SPATA32: variants seen among roughly 807,000 people sequenced by gnomAD.
SPATA32 encodes the protein spermatogenesis-associated protein 32.
In SPATA32, 28 loss-of-function variants were observed where a neutral mutation model predicts 35.4. The observed-to-expected ratio is 0.79, with a 90% CI of 0.59 to 1.09. The LOEUF (loss-of-function observed/expected upper bound fraction) is 1.09, where lower values mean the gene tolerates loss of function less well. Among genes scored for constraint, SPATA32 ranks in the 50% least tolerant of loss-of-function variants. SPATA32 has a pLI of 0.00. For missense variants in SPATA32, 409 were observed against 475.9 expected (o/e 0.86, Z 1.31); for synonymous variants, 168 against 196.3 (o/e 0.86, Z 1.20).
Position 45,256,668 on chromosome 17 carries a change from G to C in SPATA32, c.69-253C>G, listed in dbSNP as rs1443863093. 6.6e-6 allele frequency among the ~76,000 whole-genome samples: 1 copy of C among 152,126 alleles called. No homozygotes were observed. The highest frequency in any genetic ancestry group is 2.4e-5 in the African/African-American group (1 of 41,414). On this transcript the variant is annotated intron_variant, in intron 2 of 4. Coordinates refer to ENST00000331780, the MANE Select transcript of SPATA32 (RefSeq NM_152343.3). The surrounding 1 kb of genome is among the most constrained non-coding windows in gnomAD (Gnocchi z 4.7). ...CCAACTCATGCCCCACCCCCAAAGA[G>C]GAATCCAGTTGGTTGGAGGTAAGGC...
rs140136558 is a variant in SPATA32, at chr17:45,255,338, T to C, written c.844A>G (p.Thr282Ala). The change falls in exon 4 of 5, where the codon ACC (threonine) becomes GCC (alanine). Residue 282 changes from threonine (T) to alanine (A), a missense_variant. By Grantham distance (58) the Thr-to-Ala change is moderately conservative (BLOSUM62 0). Transcript: ENST00000331780. The surrounding 1 kb of genome is among the most constrained non-coding windows in gnomAD (Gnocchi z 5.4). The stretch of plus-strand genomic sequence containing the variant: ...TCTGGCTCTCGCTCCTCCACAGTGG[T>C]CAGGAGGGGCTCTGTGGAAGGCTCC... ...ALEPSTEPLL[T>A]TVEEREPENH... is the part of the protein sequence containing the mutation. 2.9e-4 allele frequency: 467 copies of C among 1,614,180 alleles called. No homozygotes were observed. The highest frequency in any genetic ancestry group is 3.6e-4 in the Non-Finnish European group (430 of 1,180,016).
chr17:45,255,814 G>T lies in SPATA32; in HGVS notation c.368C>A (p.Thr123Asn). Residue 123 changes from threonine to asparagine, a missense_variant, in exon 4 of 5, where the codon ACC becomes AAC. Coordinates refer to ENST00000331780, the MANE Select transcript of SPATA32 (RefSeq NM_152343.3). This position sits in a 1 kb window ranked among gnomAD's most constrained non-coding sequence, Gnocchi z 5.4. ...HSNMGLPTPQTFRPWSLNSNC... is the reference protein window; with the variant it reads ...HSNMGLPTPQNFRPWSLNSNC... ...TGAATTCAGACTCCACGGTCTGAAGGTCTGTGGCGTGGGCAGCCCCATGTT... is the reference window on the plus strand; with the variant it reads ...TGAATTCAGACTCCACGGTCTGAAGTTCTGTGGCGTGGGCAGCCCCATGTT... The T allele has an allele frequency of 6.2e-7, 1 of 1,614,190 alleles. No homozygotes were observed. The highest frequency in any genetic ancestry group is 8.5e-7 in the Non-Finnish European group (1 of 1,180,034).
Position 45,256,478 on chromosome 17 carries a change from T to C in SPATA32, c.69-63A>G, listed in dbSNP as rs2043959390. 2 of 1,457,748 alleles carry C rather than the reference T, an allele frequency of 1.4e-6. No homozygotes were observed. 90.3% of individuals were successfully genotyped at this position (1,457,748 alleles called of 1,614,324 possible). ...GTGGGGCTTCAGCGGGAAGGGGGTT[T>C]CTGGGGCCCTCAAAGCCCTCTGCCT... On this transcript the variant is annotated intron_variant, in intron 2 of 4. Coordinates refer to ENST00000331780, the MANE Select transcript of SPATA32 (RefSeq NM_152343.3). The surrounding 1 kb of genome is among the most constrained non-coding windows in gnomAD (Gnocchi z 4.7).
intron 1 of SPATA32, among the ~76,000 whole-genome samples, chr17:45,259,029 C>T (rs1379375693): frequency 8.0e-6 from 1 of 125,638 alleles, no homozygotes; most frequent in Non-Finnish European, 1.8e-5. Context: ...TATTTGTTCT[C>T]ATAGCTTTTT....
At chr17:45,254,999 C>CT in intron 4 of SPATA32, 116 bp downstream of exon 4, 1 of 1,009,366 alleles carries the variant, frequency 9.9e-7, no homozygotes, top group Non-Finnish European at 1.5e-6. Flanking sequence ...CAGCCCACCA[C>CT]ATCCTGCTCC....
rs372404027 is a variant in SPATA32, at chr17:45,257,939, G to GT, written c.14-733dup. Among the ~76,000 whole-genome samples the GT allele has an allele frequency of 2.8e-3, 433 of 152,318 alleles. 2 individuals are homozygous for GT. The highest frequency in any genetic ancestry group is 9.9e-3 in the African/African-American group (411 of 41,576). On this transcript the variant is annotated intron_variant, in intron 1 of 4. Coordinates refer to ENST00000331780, the MANE Select transcript of SPATA32 (RefSeq NM_152343.3). ...GCTTGTATCTTTTACTGCAGAAGCTGTTTCTTCACCCTGTGGGAGTGGGAA... is the reference window on the plus strand; with the variant it reads ...GCTTGTATCTTTTACTGCAGAAGCTGTTTTCTTCACCCTGTGGGAGTGGGAA...
Position 45,254,441 on chromosome 17 carries a change from T to G in SPATA32, c.1140A>C (p.Thr380=). 1 of 1,614,178 alleles carries G rather than the reference T, an allele frequency of 6.2e-7. No homozygotes were observed. Among genetic ancestry groups the G allele is most frequent in the Non-Finnish European group, 8.5e-7 (1 of 1,180,026 alleles). ...VKIHFKLSAP[T]IPEK ...TTCTGTCTAGTCATTTCTCTGGGAT[T>G]GTGGGGGCTGACAGCTTAAAATGGA... The change falls in exon 5 of 5, where the codon ACA becomes ACC. Residue 380 remains threonine, a synonymous_variant. Transcript: ENST00000331780.
chr17:45,261,242 C>T (rs2044004836), intron 1 of SPATA32, among the ~76,000 whole-genome samples: 1 of 151,838 alleles, frequency 6.6e-6, no homozygotes, highest in Admixed American at 6.6e-5. Flanking sequence ...GCCGCCACAC[C>T]TGTCTAATTT....
intron 4 of SPATA32, among the ~76,000 whole-genome samples, chr17:45,254,744 GT>G (rs2043939451): frequency 6.6e-6 from 1 of 152,208 alleles, no homozygotes. Context: ...GGACCCCAGG[GT>G]TGGGGCCAAC....
Position 45,255,940 on chromosome 17 carries a change from A to G in SPATA32, c.242T>C (p.Leu81Pro). The change falls in exon 4 of 5, where the codon CTC becomes CCC. Residue 81 changes from leucine to proline, a missense_variant. Leu to Pro is a moderately conservative substitution (Grantham distance 98). Coordinates refer to ENST00000331780, the MANE Select transcript of SPATA32 (RefSeq NM_152343.3). The surrounding 1 kb of genome is among the most constrained non-coding windows in gnomAD (Gnocchi z 5.4). Reference sequence around the variant, plus strand: ...CGTGTCCAGCTCAGCTTCAAGCTTGAGGGCTGGGTATAGCTCTGACTCCAG... The same window carrying G: ...CGTGTCCAGCTCAGCTTCAAGCTTGGGGGCTGGGTATAGCTCTGACTCCAG... ...ALLESELYPA[L>P]KLEAELDTEA... is the part of the protein sequence containing the mutation. The G allele has an allele frequency of 6.2e-7, 1 of 1,614,076 alleles. No homozygotes were observed. The highest frequency in any genetic ancestry group is 2.2e-5 in the East Asian group (1 of 44,880).
intron 4 of SPATA32, 40 bp from the exon 5 acceptor site, chr17:45,254,553 G>T (rs751197927): frequency 1.2e-6 from 2 of 1,601,370 alleles, no homozygotes; most frequent in South Asian, 2.2e-5. Flanking sequence ...GGCCCCAGAG[G>T]GTGGTTGAAG....
chr17:45,254,633 G>A (rs975002618), intron 4 of SPATA32, 120 bp from the exon 5 acceptor site: 34 of 785,126 alleles, frequency 4.3e-5, no homozygotes, highest in Middle Eastern at 3.6e-4. Flanking sequence ...TGCTGCCCGC[G>A]TCTGGGCAGC....
At position 45,256,278 on chromosome 17, in the gene SPATA32, G is replaced by A. The variant is rs1318330742; in HGVS notation, c.108+98C>T. ...TGTACCCACACCGGCCTGGTACTAG[G>A]GTCCCAGGATTGTCAAGGGTAGGGG... On this transcript the variant is annotated intron_variant, in intron 3 of 4. Transcript: ENST00000331780. This position sits in a 1 kb window ranked among gnomAD's most constrained non-coding sequence, Gnocchi z 4.7. 2 of 1,329,988 alleles carry A rather than the reference G, an allele frequency of 1.5e-6. No individual in the cohort carries two copies. The highest frequency in any genetic ancestry group is 1.4e-5 in the African/African-American group (1 of 69,592). The allele number at this position is 1,329,988 out of a possible 1,614,324, so 82.4% of individuals were successfully genotyped here. A position where few individuals can be genotyped will look rare whatever the true frequency, so the allele number is the denominator to read the frequency against.
At chr17:45,254,888 T>A in intron 4 of SPATA32, 1 of 590,902 alleles carries the variant, frequency 1.7e-6, no homozygotes, top group Non-Finnish European at 3.0e-6. Context: ...CCACCCTCCT[T>A]GGTCCCCAGG....
Position 45,256,361 on chromosome 17 carries a change from C to T in SPATA32, c.108+15G>A, listed in dbSNP as rs2043957387. The T allele has an allele frequency of 1.9e-6, 3 of 1,612,360 alleles. No homozygotes were observed. The highest frequency in any genetic ancestry group is 1.7e-4 in the Middle Eastern group (1 of 6,060). ...TGCCTACCACCTCCCCGTAAGAGGA[C>T]ACTCCCATTTTTACCTCCTGTTCCT... On this transcript the variant is annotated intron_variant, in intron 3 of 4. Transcript: ENST00000331780. The surrounding 1 kb of genome is among the most constrained non-coding windows in gnomAD (Gnocchi z 4.7).
In SPATA32 at chr17:45,256,352, G is replaced by A. The variant is rs200324284; in HGVS notation, c.108+24C>T. 352 of 1,611,238 alleles carry A rather than the reference G, an allele frequency of 2.2e-4. No homozygotes were observed. The highest frequency in any genetic ancestry group is 7.4e-4 in the East Asian group (33 of 44,862). On this transcript the variant is annotated intron_variant, in intron 3 of 4. Coordinates refer to ENST00000331780, the MANE Select transcript of SPATA32 (RefSeq NM_152343.3). The surrounding 1 kb of genome is among the most constrained non-coding windows in gnomAD (Gnocchi z 4.7). The stretch of plus-strand genomic sequence containing the variant: ...CCTGCCGCTTGCCTACCACCTCCCC[G>A]TAAGAGGACACTCCCATTTTTACCT...
chr17:45,259,320 G>C (rs4247364), intron 1 of SPATA32, among the ~76,000 whole-genome samples: 111,604 of 151,972 alleles, frequency 0.73, 41,529 homozygotes, highest in African/African-American at 0.84. Context: ...GTGAAGTTTC[G>C]TCTCTTAGAT....
intron 4 of SPATA32, 28 bp from the exon 5 acceptor site, chr17:45,254,541 T>A: frequency 6.2e-7 from 1 of 1,611,612 alleles, no homozygotes; most frequent in Non-Finnish European, 8.5e-7. Flanking sequence ...GAGTGTCACT[T>A]GGGCCCCAGA....
chr17:45,257,125 C>T, intron 2 of SPATA32, 28 bp downstream of exon 2: 1 of 1,610,138 alleles, frequency 6.2e-7, no homozygotes, highest in Non-Finnish European at 8.5e-7. Context: ...TCGGGGGAGG[C>T]CCTACGTTGA....
Sources: gnomAD v4.1 joint callset for allele counts (sites outside exome capture counted in the v4.1 genomes callset) on GRCh38, gnomAD v4.1.1 for gene constraint, Gnocchi (gnomAD v3.1) non-coding constraint, MANE v1.5 for transcripts, NCBI Gene and HGNC (gene_info 2026-07-23, HGNC 2026-07-21) for gene names.